CRYBG1: variants seen among roughly 807,000 people sequenced by gnomAD.
The protein encoded by CRYBG1 is beta/gamma crystallin domain-containing protein 1.
In CRYBG1, 139 loss-of-function variants were observed where a neutral mutation model predicts 189.2. The observed-to-expected ratio is 0.73, with a 90% confidence interval of 0.64 to 0.85. The LOEUF (loss-of-function observed/expected upper bound fraction) is 0.85, where lower values mean the gene tolerates loss of function less well. Ranked by LOEUF, CRYBG1 falls within the 40% of genes least tolerant of loss-of-function variation. CRYBG1 has a pLI of 0.00. For missense variants in CRYBG1, 2,611 were observed against 2,675.8 expected (o/e 0.98, Z 0.53); for synonymous variants, 1,023 against 1,017.1 (o/e 1.01, Z -0.11).
rs1296802525 is a variant in CRYBG1, at chr6:106,553,587, G to A, written c.5585+20G>A. The A allele has an allele frequency of 6.8e-7, 1 of 1,461,752 alleles. No individual in the cohort carries two copies. The highest frequency in any genetic ancestry group is 2.3e-5 in the East Asian group (1 of 44,096). 90.5% of individuals were successfully genotyped at this position (1,461,752 alleles called of 1,614,324 possible). On this transcript the variant is annotated intron_variant, in intron 16 of 21. Transcript: ENST00000633556. ...AGGCAGGTAAGTGAAACAAAGGCCT[G>A]GCAGAGCTGAATCACTGGAGTAAAA... is the stretch of plus-strand genomic sequence containing the variant.
At chr6:106,549,539 G>A (rs1774350353) in intron 13 of CRYBG1, among the ~76,000 whole-genome samples, 1 of 151,676 alleles carries the variant, frequency 6.6e-6, no homozygotes, top group Non-Finnish European at 1.5e-5. Flanking sequence ...AGGAGTTTGA[G>A]ACCAGCCTGG....
At chr6:106,375,663 G>A (rs887686716) in intron 1 of CRYBG1, among the ~76,000 whole-genome samples, 7 of 152,206 alleles carry the variant, frequency 4.6e-5, no homozygotes, top group South Asian at 4.2e-4. Context: ...CGGTCAGATC[G>A]GTGAACTTCT....
intron 11 of CRYBG1, among the ~76,000 whole-genome samples, chr6:106,544,292 G>A (rs1438011773): frequency 2.6e-5 from 4 of 151,946 alleles, no homozygotes; most frequent in African/African-American, 9.7e-5. Flanking sequence ...GCTTGCTGAG[G>A]TTCTTTTGAG....
intron 2 of CRYBG1, among the ~76,000 whole-genome samples, chr6:106,485,195 G>T (rs930706843): frequency 4.6e-5 from 7 of 152,092 alleles, no homozygotes. Context: ...ATAGTTTTCA[G>T]TGGAGAGATT....
rs981515353 is a variant in CRYBG1 at position 106,541,390 on chromosome 6, G to A, written c.4846-196G>A. On this transcript the variant is annotated intron_variant, in intron 9 of 21. Transcript: ENST00000633556. Reference sequence around the variant, plus strand: ...AGATCAGCTTATAGACTGCTTGTGCGAGGCTCCGTTCTAGCCTGCCTTCCT... The same window carrying A: ...AGATCAGCTTATAGACTGCTTGTGCAAGGCTCCGTTCTAGCCTGCCTTCCT... 10 of 679,106 alleles carry A rather than the reference G, an allele frequency of 1.5e-5. No homozygotes were observed. In the East Asian group the frequency reaches 2.2e-4, roughly 15 times the overall value. The allele number at this position is 679,106 out of a possible 1,614,324, so 42.1% of individuals were successfully genotyped here.
Position 106,519,979 on chromosome 6 carries a change from C to T in CRYBG1, c.2771C>T (p.Pro924Leu). ...PVSRQNNEKMPLLELGGETTP... is the reference protein window; with the variant it reads ...PVSRQNNEKMLLLELGGETTP... ...TCTCGTCAGAACAATGAGAAAATGC[C>T]ACTTTTAGAACTTGGAGGAGAAACA... The change falls in exon 4 of 22, where the codon CCA (proline) becomes CTA (leucine). Residue 924 changes from proline to leucine, a missense_variant. By Grantham distance (98) the Pro-to-Leu change is moderately conservative (BLOSUM62 -3). Coordinates refer to ENST00000633556, the MANE Select transcript of CRYBG1 (RefSeq NM_001371242.2). 1 of 1,614,128 alleles carries T rather than the reference C, an allele frequency of 6.2e-7. No homozygotes were observed. Among genetic ancestry groups the T allele is most frequent in the Non-Finnish European group, 8.5e-7 (1 of 1,180,022 alleles).
intron 1 of CRYBG1, among the ~76,000 whole-genome samples, chr6:106,435,236 G>A (rs1290376515): frequency 6.6e-6 from 1 of 152,074 alleles, no homozygotes; most frequent in Admixed American, 6.6e-5. Flanking sequence ...TGTGATCATA[G>A]CTTACTACAG....
intron 1 of CRYBG1, among the ~76,000 whole-genome samples, chr6:106,399,655 TTTC>T (rs1453316104): frequency 1.2e-5 from 1 of 84,276 alleles, no homozygotes; most frequent in Non-Finnish European, 2.4e-5. Context: ...TTAGTTTTTC[TTTC>T]TTTTTTTTTT....
intron 13 of CRYBG1, among the ~76,000 whole-genome samples, chr6:106,550,126 T>C (rs1006025970): frequency 6.6e-6 from 1 of 152,154 alleles, no homozygotes; most frequent in Non-Finnish European, 1.5e-5. Flanking sequence ...TCTGTGGGCT[T>C]TGGAGGACAG....
intron 2 of CRYBG1, among the ~76,000 whole-genome samples, 200 bp downstream of exon 2, chr6:106,452,032 ATAAT>A (rs1352497186): frequency 6.8e-6 from 1 of 147,852 alleles, no homozygotes; most frequent in African/African-American, 2.5e-5. Flanking sequence ...TAACAATATA[ATAAT>A]TTATTATGTA....
chr6:106,371,125 C>G (rs1181428504), intron 1 of CRYBG1, among the ~76,000 whole-genome samples: 1 of 152,144 alleles, frequency 6.6e-6, no homozygotes, highest in Non-Finnish European at 1.5e-5. Flanking sequence ...TGATATTGTA[C>G]CTATGCAAGA....
At chr6:106,367,328 C>G (rs1213734204) in intron 1 of CRYBG1, among the ~76,000 whole-genome samples, 4 of 152,104 alleles carry the variant, frequency 2.6e-5, no homozygotes, top group Non-Finnish European at 5.9e-5. Context: ...GTGGCTCACA[C>G]CTGTAATCCC....
At chr6:106,558,375 G>A (rs774235049) in intron 17 of CRYBG1, 111 bp from the exon 18 acceptor site, 55 of 924,082 alleles carry the variant, frequency 6.0e-5, no homozygotes, top group Non-Finnish European at 8.0e-5. Flanking sequence ...TTATGGAAAG[G>A]CCAAATCTAG....
intron 1 of CRYBG1, among the ~76,000 whole-genome samples, chr6:106,367,571 G>A (rs1439292195): frequency 2.5e-5 from 3 of 118,386 alleles, no homozygotes; most frequent in Non-Finnish European, 3.3e-5. Flanking sequence ...TGGCAACAGA[G>A]CCAGACTCTG....
At chr6:106,527,526 C>T in intron 7 of CRYBG1, 56 bp downstream of exon 7, 1 of 1,531,708 alleles carries the variant, frequency 6.5e-7, no homozygotes, top group South Asian at 1.2e-5. Context: ...TGGATTCTTA[C>T]TTTAAGGGAA....
rs570426491 is a variant in CRYBG1 at position 106,543,448 on chromosome 6, T to C, written c.4890T>C (p.Val1630=). The change falls in exon 11 of 22, where the codon GTT becomes GTC. Residue 1630 remains valine, a synonymous_variant. Transcript: ENST00000633556. ...TCTCATTTCTATTGTAGGTAGTTGT[T>C]TATGAAAAGCCTTTCTTTGAAGGAA... ...VEFPTDPKVV[V]YEKPFFEGKC... 49 of 1,613,108 alleles carry C rather than the reference T, an allele frequency of 3.0e-5. 1 individual carries two copies. The South Asian group carries it at 5.1e-4, about 17-fold the overall frequency.
intron 18 of CRYBG1, among the ~76,000 whole-genome samples, chr6:106,559,680 G>A (rs1385434999): frequency 1.3e-5 from 2 of 152,148 alleles, no homozygotes; most frequent in African/African-American, 2.4e-5. Flanking sequence ...CAGCTACTCA[G>A]GAGGCTGAGG....
chr6:106,483,401 T>TATATATATATATATGTATATATATATA, intron 2 of CRYBG1, among the ~76,000 whole-genome samples: 94 of 95,674 alleles, frequency 9.8e-4, no homozygotes, highest in Non-Finnish European at 1.7e-3. Flanking sequence ...GATATATATA[T>TATATATATATATATGTATATATATATA]AAAACATTTT....
In CRYBG1 at chr6:106,511,996, G is replaced by A. The variant is rs1198012850; in HGVS notation, c.879G>A (p.Val293=). Residue 293 remains valine (V), a synonymous_variant, in exon 3 of 22, where the codon GTG becomes GTA. Coordinates refer to ENST00000633556, the MANE Select transcript of CRYBG1 (RefSeq NM_001371242.2). ...ACGAACAGGAGGCTTTCCTGGGTGT[G>A]AGGGGTGCGCCAGGGTCGCCCACCC... ...AGHEQEAFLG[V]RGAPGSPTQE... 6.5e-7 allele frequency: 1 copy of A among 1,530,998 alleles called. No homozygotes were observed. The highest frequency in any genetic ancestry group is 8.7e-7 in the Non-Finnish European group (1 of 1,144,084). 94.8% of individuals were successfully genotyped at this position (1,530,998 alleles called of 1,614,324 possible). A position where few individuals can be genotyped will look rare whatever the true frequency, so the allele number is the denominator to read the frequency against.
Sources: gnomAD v4.1 joint callset for allele counts (sites outside exome capture counted in the v4.1 genomes callset) on GRCh38, gnomAD v4.1.1 for gene constraint, MANE v1.5 for transcripts, NCBI Gene and HGNC (gene_info 2026-07-23, HGNC 2026-07-21) for gene names.